The following PPP1R13B variants were observed in gnomAD, a reference collection of about 807,000 sequenced individuals.
The protein encoded by PPP1R13B is protein phosphatase 1 regulatory subunit 13B, also known as apoptosis-stimulating of p53 protein 1.
PPP1R13B carries 44 observed loss-of-function variants against 119.8 expected under a neutral mutation model. That is an observed-to-expected ratio of 0.37 (90% CI 0.29 to 0.47). PPP1R13B has a LOEUF of 0.47. Among genes scored for constraint, PPP1R13B ranks in the 20% least tolerant of loss-of-function variants. PPP1R13B has a pLI of 0.99. For missense variants in PPP1R13B, 1,227 were observed against 1,413.5 expected (o/e 0.87, Z 2.12); for synonymous variants, 542 against 561.5 (o/e 0.97, Z 0.49).
intron 1 of PPP1R13B, among the ~76,000 whole-genome samples, chr14:103,805,079 T>C (rs923951911): frequency 1.3e-5 from 2 of 152,056 alleles, no homozygotes; most frequent in African/African-American, 4.8e-5. Context: ...TCACGTGATC[T>C]GCCCACCTCG....
At chr14:103,835,683 A>G (rs2086760089) in intron 1 of PPP1R13B, among the ~76,000 whole-genome samples, 1 of 150,826 alleles carries the variant, frequency 6.6e-6, no homozygotes, top group African/African-American at 2.4e-5. Flanking sequence ...ATCTCGGCTC[A>G]CTGCAAGCTC....
intron 4 of PPP1R13B, chr14:103,762,769 G>A (rs1250912262): frequency 4.3e-6 from 3 of 704,856 alleles, no homozygotes; most frequent in Non-Finnish European, 7.8e-6. Flanking sequence ...GCTGCTGTGG[G>A]GGCAGGTGGT....
chr14:103,825,527 T>A (rs2086517758), intron 1 of PPP1R13B, among the ~76,000 whole-genome samples: 2 of 152,158 alleles, frequency 1.3e-5, no homozygotes, highest in South Asian at 4.1e-4. Context: ...TTAGTATTGA[T>A]ATGGAGAAAG....
intron 1 of PPP1R13B, among the ~76,000 whole-genome samples, chr14:103,842,301 CTTT>C (rs34596421): frequency 2.5e-5 from 3 of 117,964 alleles, no homozygotes; most frequent in Non-Finnish European, 3.4e-5. Context: ...AGAGTGCCTT[CTTT>C]TTTTTTTTTT....
chr14:103,847,671 G>A (rs2087094354), upstream of PPP1R13B: 4 of 957,770 alleles, frequency 4.2e-6, no homozygotes, highest in Non-Finnish European at 5.0e-6. Flanking sequence ...GATTGGCCCG[G>A]TGGGAGCGGG....
chr14:103,739,325 G>C (rs1324413319), intron 12 of PPP1R13B: 1 of 384,504 alleles, frequency 2.6e-6, no homozygotes, highest in African/African-American at 2.0e-5. Context: ...AGGGTGGCGT[G>C]TGACTGCCAA....
At chr14:103,808,619 G>A (rs2086074194) in intron 1 of PPP1R13B, among the ~76,000 whole-genome samples, 2 of 151,982 alleles carry the variant, frequency 1.3e-5, no homozygotes, top group African/African-American at 2.4e-5. Context: ...GGGTAACGGG[G>A]GTGAGTTCAG....
chr14:103,759,358 G>C (rs1375869751), intron 4 of PPP1R13B: 1 of 144,086 alleles, frequency 6.9e-6, no homozygotes, highest in Non-Finnish European at 1.5e-5. Context: ...TTAATTTAGA[G>C]ACTGAATCTC....
chr14:103,801,517 T>G (rs574915954), intron 1 of PPP1R13B, among the ~76,000 whole-genome samples: 120 of 152,236 alleles, frequency 7.9e-4, no homozygotes, highest in African/African-American at 2.7e-3. Flanking sequence ...AATTCAAAAC[T>G]CAGCTCCTAA....
At chr14:103,754,593 CTT>C (rs927441904) in intron 5 of PPP1R13B, among the ~76,000 whole-genome samples, 1 of 137,434 alleles carries the variant, frequency 7.3e-6, no homozygotes, top group Non-Finnish European at 1.6e-5. Context: ...AAAATTGAAA[CTT>C]ATGATTACTT....
chr14:103,785,174 T>A (rs966371099), intron 2 of PPP1R13B, among the ~76,000 whole-genome samples: 11 of 152,310 alleles, frequency 7.2e-5, no homozygotes, highest in Middle Eastern at 3.4e-3. Flanking sequence ...CACTGAAACA[T>A]GCCTTTTACA....
intron 1 of PPP1R13B, among the ~76,000 whole-genome samples, chr14:103,840,731 C>T (rs942003613): frequency 6.6e-6 from 1 of 151,316 alleles, no homozygotes; most frequent in Non-Finnish European, 1.5e-5. Flanking sequence ...GTGGAGGTTG[C>T]AGTAAGCCGA....
intron 1 of PPP1R13B, among the ~76,000 whole-genome samples, chr14:103,824,115 G>A (rs933218544): frequency 7.3e-6 from 1 of 136,686 alleles, no homozygotes. Flanking sequence ...GCGCGATCTC[G>A]GCTCATTGCG....
intron 5 of PPP1R13B, among the ~76,000 whole-genome samples, chr14:103,756,699 G>A (rs1367784275): frequency 6.6e-6 from 1 of 152,014 alleles, no homozygotes; most frequent in Admixed American, 6.6e-5. Flanking sequence ...CAATGACACA[G>A]CCAAGAACAT....
intron 2 of PPP1R13B, among the ~76,000 whole-genome samples, chr14:103,785,465 G>C (rs1479162777): frequency 6.6e-6 from 1 of 150,692 alleles, no homozygotes; most frequent in East Asian, 1.9e-4. Context: ...TGATCCACCC[G>C]CCTTGGCCTC....
chr14:103,822,947 T>C (rs536299948), intron 1 of PPP1R13B, among the ~76,000 whole-genome samples: 2 of 152,276 alleles, frequency 1.3e-5, no homozygotes, highest in Admixed American at 1.3e-4. Flanking sequence ...ACTCAAGAGA[T>C]GCTTGACACC....
At chr14:103,739,751 G>T in intron 12 of PPP1R13B, 73 bp downstream of exon 12, 2 of 1,469,788 alleles carry the variant, frequency 1.4e-6, no homozygotes, top group South Asian at 2.8e-5. Flanking sequence ...GCCTGACCAA[G>T]GGAAGGACCC....
chr14:103,804,586 C>T (rs781076766), intron 1 of PPP1R13B, among the ~76,000 whole-genome samples: 31 of 151,920 alleles, frequency 2.0e-4, no homozygotes, highest in Non-Finnish European at 3.7e-4. Flanking sequence ...GAATAAACAA[C>T]TAGCTGGGCA....
At chr14:103,834,283 C>A (rs555359228) in intron 1 of PPP1R13B, among the ~76,000 whole-genome samples, 2 of 152,012 alleles carry the variant, frequency 1.3e-5, no homozygotes, top group Non-Finnish European at 2.9e-5. Context: ...GGCTGAGGCA[C>A]GAGAATCACT....
Sources: gnomAD v4.1 joint callset for allele counts (sites outside exome capture counted in the v4.1 genomes callset) on GRCh38, gnomAD v4.1.1 for gene constraint, MANE v1.5 for transcripts, NCBI Gene and HGNC (gene_info 2026-07-23, HGNC 2026-07-21) for gene names.